MYO7B: variants seen among roughly 807,000 people sequenced by gnomAD.
MYO7B encodes the protein unconventional myosin-VIIb.
MYO7B carries 212 observed loss-of-function variants against 259.7 expected under a neutral mutation model. That is an observed-to-expected ratio of 0.82 (90% CI 0.73 to 0.91). The LOEUF (loss-of-function observed/expected upper bound fraction) is 0.91, where lower values mean the gene tolerates loss of function less well. MYO7B is among the 40% of genes least tolerant of loss of function. The pLI is 0.00. For missense variants in MYO7B, 2,732 were observed against 2,813.5 expected (o/e 0.97, Z 0.66); for synonymous variants, 1,197 against 1,166.4 (o/e 1.03, Z -0.54).
chr2:127,585,051 G>A lies in MYO7B; in HGVS notation c.1690+138G>A. The stretch of plus-strand genomic sequence containing the variant: ...AGGGATGAGTAGTATGGCTTCTACT[G>A]GAGAAAGAAAATGGAGTGGACCGGG... On this transcript the variant is annotated intron_variant, in intron 14 of 47. Coordinates refer to ENST00000409816, the MANE Select transcript of MYO7B (RefSeq NM_001393586.1). This position sits in a 1 kb window ranked among gnomAD's most constrained non-coding sequence, Gnocchi z 4.3. 1 of 1,164,142 alleles carries A rather than the reference G, an allele frequency of 8.6e-7. No homozygotes were observed. Among genetic ancestry groups the A allele is most frequent in the Non-Finnish European group, 1.2e-6 (1 of 819,922 alleles). The allele number at this position is 1,164,142 out of a possible 1,614,324, so 72.1% of individuals were successfully genotyped here.
At position 127,581,909 on chromosome 2, in the gene MYO7B, C is replaced by G; in HGVS notation, c.1099C>G (p.Arg367Gly). Residue 367 changes from arginine to glycine, a missense_variant, in exon 11 of 48, where the codon CGG becomes GGG. Arg to Gly is a moderately radical substitution (Grantham distance 125). Coordinates refer to ENST00000409816, the MANE Select transcript of MYO7B (RefSeq NM_001393586.1). ...KLLEVQHQEL[R>G]DCLIKHTILI... ...TCCCCAGGTGCAGCACCAGGAGCTC[C>G]GGGACTGTCTGATCAAGCACACCAT... 1 of 1,613,812 alleles carries G rather than the reference C, an allele frequency of 6.2e-7. No individual in the cohort carries two copies. Among genetic ancestry groups the G allele is most frequent in the South Asian group, 1.1e-5 (1 of 91,084 alleles).
At chr2:127,580,724 G>A in intron 9 of MYO7B, 22 bp from the exon 10 acceptor site, 4 of 1,605,016 alleles carry the variant, frequency 2.5e-6, no homozygotes, top group Non-Finnish European at 2.6e-6. Context: ...TTCCAACTCA[G>A]CATTCCTGCT....
rs1302736894 is a variant in MYO7B at position 127,590,298 on chromosome 2, G to A, written c.1992+69G>A. The A allele has an allele frequency of 6.2e-7, 1 of 1,601,596 alleles. No individual in the cohort carries two copies. The highest frequency in any genetic ancestry group is 8.5e-7 in the Non-Finnish European group (1 of 1,172,666). ...GAGGCTGATGGCCTCTAGGGTTGTG[G>A]TCACTCCCTCTGCCAGGGCCTGGCT... On this transcript the variant is annotated intron_variant, in intron 16 of 47. Coordinates refer to ENST00000409816, the MANE Select transcript of MYO7B (RefSeq NM_001393586.1). This position sits in a 1 kb window ranked among gnomAD's most constrained non-coding sequence, Gnocchi z 4.6.
rs770016730 is a variant in MYO7B at position 127,612,576 on chromosome 2, G to T, written c.3371G>T (p.Gly1124Val). The T allele has an allele frequency of 1.2e-6, 2 of 1,608,342 alleles. No individual in the cohort carries two copies. The highest frequency in any genetic ancestry group is 1.7e-6 in the Non-Finnish European group (2 of 1,177,744). The stretch of plus-strand genomic sequence containing the variant: ...CTGGAGAAGGTGCACTTCATCGTGG[G>T]CTACGCCATCCTGCGGCCCAGCCTC... ...SNLEKVHFIV[G>V]YAILRPSLRD... is the part of the protein sequence containing the mutation. Residue 1124 changes from glycine to valine, a missense_variant, in exon 26 of 48, where the codon GGC becomes GTC. Around this residue, in one of 3 missense-constraint regions of MYO7B, gnomAD observed 1,906 missense variants for 2,026.4 expected, o/e 0.94. Transcript: ENST00000409816.
chr2:127,565,173 G>A (rs1322426312), intron 3 of MYO7B, 60 bp from the exon 4 acceptor site: 12 of 1,564,576 alleles, frequency 7.7e-6, no homozygotes, highest in Admixed American at 1.8e-5. Context: ...GGGAGGGTGT[G>A]GCAGGCTGGC....
intron 2 of MYO7B, among the ~76,000 whole-genome samples, chr2:127,562,382 C>T (rs1262825385): frequency 1.3e-5 from 2 of 151,978 alleles, no homozygotes; most frequent in African/African-American, 4.8e-5. Flanking sequence ...CTGCAACCTC[C>T]ACCTCTCAGA....
intron 10 of MYO7B, among the ~76,000 whole-genome samples, chr2:127,581,684 G>A (rs1240100302): frequency 6.6e-6 from 1 of 152,138 alleles, no homozygotes; most frequent in Admixed American, 6.5e-5. Context: ...CAGCCCCCAG[G>A]AGACCCACTG....
chr2:127,631,863 C>T, intron 38 of MYO7B, 110 bp downstream of exon 38: 1 of 1,370,250 alleles, frequency 7.3e-7, no homozygotes, highest in South Asian at 1.4e-5. Context: ...GGCAGAACCC[C>T]TGCCTGGGCT....
rs1679392030 is a variant in MYO7B at position 127,588,521 on chromosome 2, T to C, written c.1820T>C (p.Ile607Thr). 1.2e-6 allele frequency: 2 copies of C among 1,613,220 alleles called. No homozygotes were observed. The highest frequency in any genetic ancestry group is 1.7e-6 in the Non-Finnish European group (2 of 1,179,852). ...GAGACCAAGCTGGGCCATGGGACCA[T>C]CCGCCAGGCAAAGGCAGGAAACCAT... ...LAETKLGHGT[I>T]RQAKAGNHLF... The change falls in exon 15 of 48, where the codon ATC (isoleucine) becomes ACC (threonine). Residue 607 changes from isoleucine to threonine, a missense_variant. Physicochemically the swap from Ile to Thr is moderately conservative, Grantham distance 89. This residue lies in a region of MYO7B where 1,906 missense variants were observed against 2,026.4 expected (regional missense o/e 0.94). Transcript: ENST00000409816.
intron 1 of MYO7B, among the ~76,000 whole-genome samples, chr2:127,542,691 G>T (rs929939493): frequency 1.3e-5 from 2 of 152,140 alleles, no homozygotes; most frequent in Admixed American, 6.5e-5. Context: ...GGGCCCAGGG[G>T]ACCGGTGCTC....
chr2:127,634,405 G>A (rs769806811), intron 41 of MYO7B, 116 bp downstream of exon 41: 12 of 944,978 alleles, frequency 1.3e-5, no homozygotes, highest in Middle Eastern at 2.5e-4. Context: ...CAGGCTGCAC[G>A]GCCAGGGCTG....
chr2:127,566,549 C>T, intron 4 of MYO7B, 94 bp from the exon 5 acceptor site: 1 of 1,168,262 alleles, frequency 8.6e-7, no homozygotes. Context: ...CCTGATAACC[C>T]CGAGGGCAGA....
In MYO7B at chr2:127,597,809, T is replaced by G. The variant is rs1679831116; in HGVS notation, c.2339+1253T>G. On this transcript the variant is annotated intron_variant, in intron 19 of 47. Coordinates refer to ENST00000409816, the MANE Select transcript of MYO7B (RefSeq NM_001393586.1). This position sits in a 1 kb window ranked among gnomAD's most constrained non-coding sequence, Gnocchi z 4.8. Reference sequence around the variant, plus strand: ...CCCGCCACCATGCCTGGCTAATTATTGTATTTTTTGTAGAGATGGGGTTTC... The same window carrying G: ...CCCGCCACCATGCCTGGCTAATTATGGTATTTTTTGTAGAGATGGGGTTTC... 6.6e-6 allele frequency among the ~76,000 whole-genome samples: 1 copy of G among 151,906 alleles called. No homozygotes were observed. The highest frequency in any genetic ancestry group is 1.5e-5 in the Non-Finnish European group (1 of 67,996).
intron 15 of MYO7B, among the ~76,000 whole-genome samples, chr2:127,589,380 T>C (rs1467573528): frequency 6.9e-6 from 1 of 145,364 alleles, no homozygotes; most frequent in Admixed American, 6.8e-5. Flanking sequence ...AATGAATGGG[T>C]GCATGGGTGG....
Position 127,576,517 on chromosome 2 carries a change from G to A in MYO7B, c.736-78G>A, listed in dbSNP as rs1386474906. The stretch of plus-strand genomic sequence containing the variant: ...TGGAGCGGAGGCCAGGGCTGGGCTG[G>A]GCAGAGGCAGTCTGAGGCCCTGAGG... On this transcript the variant is annotated intron_variant, in intron 7 of 47. Coordinates refer to ENST00000409816, the MANE Select transcript of MYO7B (RefSeq NM_001393586.1). This position sits in a 1 kb window ranked among gnomAD's most constrained non-coding sequence, Gnocchi z 4.9. 1 of 885,480 alleles carries A rather than the reference G, an allele frequency of 1.1e-6. No homozygotes were observed. Among genetic ancestry groups the A allele is most frequent in the Admixed American group, 2.5e-5 (1 of 40,442 alleles). The allele number at this position is 885,480 out of a possible 1,614,324, so 54.9% of individuals were successfully genotyped here. A position where few individuals can be genotyped will look rare whatever the true frequency, so the allele number is the denominator to read the frequency against.
intron 15 of MYO7B, among the ~76,000 whole-genome samples, chr2:127,589,094 G>A (rs948684155): frequency 2.7e-5 from 4 of 147,858 alleles, no homozygotes; most frequent in Admixed American, 6.7e-5. Flanking sequence ...TGGGTGTGTC[G>A]ATGGTTGGGT....
chr2:127,580,701 G>A lies in MYO7B; in HGVS notation c.1004-45G>A, dbSNP rs769734142. Reference sequence around the variant, plus strand: ...GGCCAGTCGGGACCTTGCTCCCATCGCTCCAGGCTGCTTTCCAACTCAGCA... The same window carrying A: ...GGCCAGTCGGGACCTTGCTCCCATCACTCCAGGCTGCTTTCCAACTCAGCA... On this transcript the variant is annotated intron_variant, in intron 9 of 47. Transcript: ENST00000409816. 48 of 1,566,046 alleles carry A rather than the reference G, an allele frequency of 3.1e-5. 1 individual carries two copies. Among genetic ancestry groups the A allele is most frequent in the South Asian group, 1.9e-4 (16 of 86,200 alleles).
At chr2:127,629,169 G>A (rs904534415) in intron 34 of MYO7B, among the ~76,000 whole-genome samples, 1 of 152,224 alleles carries the variant, frequency 6.6e-6, no homozygotes, top group Non-Finnish European at 1.5e-5. Flanking sequence ...GAGGCTGTGT[G>A]TGGGGTCTTT....
Position 127,576,577 on chromosome 2 carries a change from GCCCT to G in MYO7B, c.736-6_736-3del, listed in dbSNP as rs754308337. ...AATGGCTCATGAATCTGTCTGGAATGCCCTCCCTCCCTCCCAGGCTCCCGAGGAG... is the reference window on the plus strand; with the variant it reads ...AATGGCTCATGAATCTGTCTGGAATGCCCTCCCTCCCAGGCTCCCGAGGAG... On this transcript the variant is annotated splice_polypyrimidine_tract_variant and intron_variant, in intron 7 of 47. Coordinates refer to ENST00000409816, the MANE Select transcript of MYO7B (RefSeq NM_001393586.1). This position sits in a 1 kb window ranked among gnomAD's most constrained non-coding sequence, Gnocchi z 4.9. 6.3e-5 allele frequency: 93 copies of G among 1,470,980 alleles called. No homozygotes were observed. The highest frequency in any genetic ancestry group is 4.0e-4 in the Admixed American group (23 of 57,994). 91.1% of individuals were successfully genotyped at this position (1,470,980 alleles called of 1,614,324 possible).
Sources: gnomAD v4.1 joint callset for allele counts (sites outside exome capture counted in the v4.1 genomes callset) on GRCh38, gnomAD v4.1.1 for gene constraint, gnomAD v4.1.1 regional missense constraint, Gnocchi (gnomAD v3.1) non-coding constraint, MANE v1.5 for transcripts, NCBI Gene and HGNC (gene_info 2026-07-23, HGNC 2026-07-21) for gene names.